ANKS3: variants seen among roughly 807,000 people sequenced by gnomAD.
The protein encoded by ANKS3 is ankyrin repeat and sterile alpha motif domain containing 3.
Under a neutral mutation model 80.7 loss-of-function variants are expected in ANKS3, and 62 were observed. The ratio of observed to expected loss-of-function variants is 0.77; its 90% CI spans 0.63 to 0.95. The LOEUF (loss-of-function observed/expected upper bound fraction) is 0.95. Among genes scored for constraint, ANKS3 ranks in the 40% least tolerant of loss-of-function variants. The pLI is 0.00. For missense variants in ANKS3, 1,150 were observed against 883.6 expected (o/e 1.30, Z -3.82); for synonymous variants, 489 against 355.3 (o/e 1.38, Z -4.23).
At chr16:4,721,368 G>C (rs566887421) in intron 6 of ANKS3, among the ~76,000 whole-genome samples, 5 of 151,090 alleles carry the variant, frequency 3.3e-5, no homozygotes, top group African/African-American at 1.2e-4. Context: ...CAGCACTTTG[G>C]GAGACCGAGG....
chr16:4,707,346 A>G (rs1241666957), intron 7 of ANKS3, among the ~76,000 whole-genome samples: 2 of 151,520 alleles, frequency 1.3e-5, no homozygotes, highest in African/African-American at 4.9e-5. Flanking sequence ...CAGTGGCACA[A>G]TCTCGGCTCA....
intron 6 of ANKS3, among the ~76,000 whole-genome samples, chr16:4,714,850 G>A (rs549947674): frequency 6.6e-6 from 1 of 151,822 alleles, no homozygotes; most frequent in South Asian, 2.1e-4. Flanking sequence ...AAATTAGCCG[G>A]GCGTGGTGGT....
At chr16:4,730,692 TC>T (rs2142171811) in intron 2 of ANKS3, among the ~76,000 whole-genome samples, 1 of 151,922 alleles carries the variant, frequency 6.6e-6, no homozygotes, top group South Asian at 2.1e-4. Context: ...CATGGTGAAA[TC>T]CTGTCTCTAC....
rs373201447 is a variant in ANKS3, at chr16:4,733,983, C to A, written c.-116G>T. The A allele has an allele frequency of 4.1e-6, 4 of 985,508 alleles. No individual in the cohort carries two copies. The highest frequency in any genetic ancestry group is 1.1e-4 in the East Asian group (1 of 8,814). 61.0% of individuals were successfully genotyped at this position (985,508 alleles called of 1,614,324 possible). A position where few individuals can be genotyped will look rare whatever the true frequency, so the allele number is the denominator to read the frequency against. On this transcript the variant is annotated 5_prime_UTR_variant, in exon 1 of 18. Transcript: ENST00000304283. Reference sequence around the variant, plus strand: ...CCCCCCGGCCACATCCCCACAGGAACGCTACGGCGCACAGGGCATTACTGT... The same window carrying A: ...CCCCCCGGCCACATCCCCACAGGAAAGCTACGGCGCACAGGGCATTACTGT...
chr16:4,700,654 A>C, intron 11 of ANKS3: 1 of 453,304 alleles, frequency 2.2e-6, no homozygotes, highest in Non-Finnish European at 4.1e-6. Context: ...TGCTTCAACC[A>C]CATCTTGTCA....
At position 4,699,201 on chromosome 16, in the gene ANKS3, G is replaced by C. The variant is rs368102357; in HGVS notation, c.1285-25C>G. The C allele has an allele frequency of 4.3e-5, 69 of 1,612,808 alleles. No homozygotes were observed. The African/African-American group carries it at 7.6e-4, about 18-fold the overall frequency. ...CCTGGCAGGCACAGGGGACAGGTTG[G>C]GGGAGGTAGTGGCTGACGACGAAGC... On this transcript the variant is annotated intron_variant, in intron 11 of 17. Coordinates refer to ENST00000304283, the MANE Select transcript of ANKS3 (RefSeq NM_133450.4).
rs530195895 is a variant in ANKS3, at chr16:4,706,415, T to G, written c.710-1162A>C. 2.0e-5 allele frequency among the ~76,000 whole-genome samples: 3 copies of G among 152,102 alleles called. No individual in the cohort carries two copies. The South Asian group carries it at 6.2e-4, about 32-fold the overall frequency. ...CCCAGCTAATCTTGTTTTTGTATTTTTAGTAGAGACGGGGTTTCACCATGT... is the reference window on the plus strand; with the variant it reads ...CCCAGCTAATCTTGTTTTTGTATTTGTAGTAGAGACGGGGTTTCACCATGT... On this transcript the variant is annotated intron_variant, in intron 7 of 17. Transcript: ENST00000304283.
chr16:4,724,382 C>G (rs991008114), intron 6 of ANKS3, among the ~76,000 whole-genome samples: 1 of 152,202 alleles, frequency 6.6e-6, no homozygotes. Context: ...CCTAGGGCAG[C>G]TCTTTCTCAA....
At chr16:4,701,585 G>C (rs771607074) in intron 9 of ANKS3, 42 bp from the exon 10 acceptor site, 4 of 1,553,950 alleles carry the variant, frequency 2.6e-6, no homozygotes, top group Non-Finnish European at 3.5e-6. Context: ...AGCCCTCACC[G>C]AGGTGCTGCG....
At chr16:4,704,314 C>G (rs777731333) in intron 8 of ANKS3, among the ~76,000 whole-genome samples, 9 of 152,176 alleles carry the variant, frequency 5.9e-5, no homozygotes, top group Non-Finnish European at 1.2e-4. Flanking sequence ...CTCACTCTTC[C>G]AAGTCCTGGC....
intron 7 of ANKS3, among the ~76,000 whole-genome samples, chr16:4,706,270 A>C (rs1029479450): frequency 6.6e-6 from 1 of 151,404 alleles, no homozygotes; most frequent in South Asian, 2.1e-4. Flanking sequence ...TTGCTCTGTC[A>C]CCCAGGCAGG....
chr16:4,711,718 C>CA (rs34030042), intron 7 of ANKS3, among the ~76,000 whole-genome samples: 3,482 of 56,282 alleles, frequency 0.062, 71 homozygotes, highest in East Asian at 0.18. Flanking sequence ...AACTCTGTCT[C>CA]AAAAAAAAAA....
intron 3 of ANKS3, among the ~76,000 whole-genome samples, chr16:4,728,268 A>T (rs1263726085): frequency 6.6e-6 from 1 of 152,060 alleles, no homozygotes; most frequent in Non-Finnish European, 1.5e-5. Context: ...GATGGTCTCG[A>T]TCTCCTGACC....
In ANKS3 at chr16:4,696,888, C is replaced by A. The variant is rs1398872341; in HGVS notation, c.*20G>T. ...GCTTCAGGGTGGACCAATCACCCAA[C>A]GTCAGATTCTGAAAGAAAAAGCCCC... On this transcript the variant is annotated 3_prime_UTR_variant, in exon 18 of 18. Coordinates refer to ENST00000304283, the MANE Select transcript of ANKS3 (RefSeq NM_133450.4). The A allele has an allele frequency of 4.8e-6, 4 of 837,346 alleles. No individual in the cohort carries two copies. The highest frequency in any genetic ancestry group is 1.7e-5 in the African/African-American group (1 of 59,604). The allele number at this position is 837,346 out of a possible 1,614,324, so 51.9% of individuals were successfully genotyped here.
chr16:4,726,996 C>T lies in ANKS3; in HGVS notation c.352G>A (p.Ala118Thr), dbSNP rs371517379. ...LASSCGNESI[A>T]YFLLQQGAEL... ...TAGCTCACCTGGAGAAGAAAGTAGGCGATGCTCTCGTTGCCACAGCTGGAG... is the reference window on the plus strand; with the variant it reads ...TAGCTCACCTGGAGAAGAAAGTAGGTGATGCTCTCGTTGCCACAGCTGGAG... The change falls in exon 4 of 18, where the codon GCC (alanine) becomes ACC (threonine). Residue 118 changes from alanine to threonine, a missense_variant. Ala to Thr is a moderately conservative substitution (Grantham distance 58). Coordinates refer to ENST00000304283, the MANE Select transcript of ANKS3 (RefSeq NM_133450.4). The T allele has an allele frequency of 2.5e-5, 41 of 1,614,094 alleles. No individual in the cohort carries two copies. The highest frequency in any genetic ancestry group is 3.1e-5 in the Non-Finnish European group (37 of 1,180,034).
intron 11 of ANKS3, 43 bp downstream of exon 11, chr16:4,700,927 T>C: frequency 6.2e-7 from 1 of 1,611,432 alleles, no homozygotes; most frequent in Non-Finnish European, 8.5e-7. Flanking sequence ...TCACAAAAAG[T>C]GCCGTCTCTG....
rs1337639250 is a variant in ANKS3 at position 4,696,766 on chromosome 16, G to A, written c.*142C>T. ...CGCAGCCCCCGTCTTGCCTCTGTCT[G>A]CCGGCTGCTCCCGGGGCCTGATCCT... On this transcript the variant is annotated 3_prime_UTR_variant, in exon 18 of 18. Transcript: ENST00000304283. 5.4e-6 allele frequency: 3 copies of A among 554,626 alleles called. No individual in the cohort carries two copies. The highest frequency in any genetic ancestry group is 6.2e-5 in the Admixed American group (2 of 32,032). The allele number at this position is 554,626 out of a possible 1,614,324, so 34.4% of individuals were successfully genotyped here.
intron 8 of ANKS3, among the ~76,000 whole-genome samples, chr16:4,704,449 T>C (rs1295223155): frequency 1.3e-5 from 2 of 152,104 alleles, no homozygotes; most frequent in African/African-American, 4.8e-5. Context: ...AGCTGAGCTC[T>C]GGGACAGACC....
At chr16:4,712,944 T>G (rs113463138) in intron 7 of ANKS3, among the ~76,000 whole-genome samples, 1 of 152,180 alleles carries the variant, frequency 6.6e-6, no homozygotes, top group East Asian at 1.9e-4. Flanking sequence ...ACCTGAACAA[T>G]GTAAGAATTC....
Sources: gnomAD v4.1 joint callset for allele counts (sites outside exome capture counted in the v4.1 genomes callset) on GRCh38, gnomAD v4.1.1 for gene constraint, MANE v1.5 for transcripts, NCBI Gene and HGNC (gene_info 2026-07-23, HGNC 2026-07-21) for gene names.